The following LINGO2 variants were observed in gnomAD, a reference collection of about 807,000 sequenced individuals.
LINGO2 encodes the protein leucine rich repeat and Ig domain containing 2.
Under a neutral mutation model 30.6 loss-of-function variants are expected in LINGO2, and 14 were observed. The ratio of observed to expected loss-of-function variants is 0.46; its 90% CI spans 0.30 to 0.72. The LOEUF (loss-of-function observed/expected upper bound fraction) is 0.72. Among genes scored for constraint, LINGO2 ranks in the 30% least tolerant of loss-of-function variants. The pLI is 0.07. For missense variants in LINGO2, 729 were observed against 751.7 expected (o/e 0.97, Z 0.35); for synonymous variants, 317 against 288.5 (o/e 1.10, Z -1.00).
At chr9:28,804,061 TTA>T in the LINGO2 span, among the ~76,000 whole-genome samples, 1 of 152,056 alleles carries the variant, frequency 6.6e-6, no homozygotes, top group Admixed American at 6.6e-5. Context: ...AGGAATATAA[TTA>T]TAGTTTAGAG....
chr9:27,992,778 TTGG>T (rs1233349924), intron 5 of LINGO2, among the ~76,000 whole-genome samples: 1 of 148,010 alleles, frequency 6.8e-6, no homozygotes, highest in Non-Finnish European at 1.5e-5. Flanking sequence ...AAATGAAAGT[TTGG>T]TGAGGGAACA....
chr9:28,927,609 G>T, the LINGO2 span, among the ~76,000 whole-genome samples: 1 of 152,256 alleles, frequency 6.6e-6, no homozygotes, highest in South Asian at 2.1e-4. Context: ...AGGATTATAT[G>T]AGATAATGTA....
the LINGO2 span, among the ~76,000 whole-genome samples, chr9:28,883,639 T>TATATATATAC: frequency 3.6e-5 from 4 of 110,904 alleles, no homozygotes; most frequent in African/African-American, 1.2e-4. Flanking sequence ...TATATATATA[T>TATATATATAC]ATATATATAT....
chr9:29,033,003 TGAA>T, the LINGO2 span, among the ~76,000 whole-genome samples: 1 of 152,284 alleles, frequency 6.6e-6, no homozygotes, highest in African/African-American at 2.4e-5. Context: ...GCCATATAGA[TGAA>T]GAGAAAACTT....
At chr9:29,022,990 A>AG in the LINGO2 span, among the ~76,000 whole-genome samples, 5 of 151,862 alleles carry the variant, frequency 3.3e-5, no homozygotes, top group South Asian at 6.2e-4. Flanking sequence ...AAAAAAAAAA[A>AG]AGAGAGAAAT....
chr9:28,405,751 G>A (rs967824422), intron 2 of LINGO2, among the ~76,000 whole-genome samples: 9 of 152,098 alleles, frequency 5.9e-5, no homozygotes, highest in African/African-American at 2.2e-4. Context: ...CCAGACATTG[G>A]TGTCAGGGCA....
At chr9:28,647,011 C>A (rs1827871704) in intron 1 of LINGO2, among the ~76,000 whole-genome samples, 1 of 152,008 alleles carries the variant, frequency 6.6e-6, no homozygotes, top group Non-Finnish European at 1.5e-5. Context: ...AAAGGCTGTG[C>A]CTAGATTATC....
At chr9:28,954,419 TA>T in the LINGO2 span, among the ~76,000 whole-genome samples, 1 of 152,134 alleles carries the variant, frequency 6.6e-6, no homozygotes, top group African/African-American at 2.4e-5. Context: ...GAACAAGTTA[TA>T]AAAAATAATG....
chr9:28,586,000 G>C (rs1459067859), intron 1 of LINGO2, among the ~76,000 whole-genome samples: 2 of 150,406 alleles, frequency 1.3e-5, no homozygotes, highest in African/African-American at 4.9e-5. Flanking sequence ...CCTGGCTTCT[G>C]TGTGGGCTTT....
Position 28,274,318 on chromosome 9 carries a change from C to A in LINGO2, c.-87+20890G>T, listed in dbSNP as rs143757233. Among the ~76,000 whole-genome samples the A allele has an allele frequency of 1.9e-3, 287 of 152,076 alleles. 1 individual carries two copies. The highest frequency in any genetic ancestry group is 6.4e-3 in the African/African-American group (265 of 41,504). ...CTGATAGTAATTTTAAAAAAGTAACCCAGGTCCACTTATGAGCACATATTT... is the reference window on the plus strand; with the variant it reads ...CTGATAGTAATTTTAAAAAAGTAACACAGGTCCACTTATGAGCACATATTT... On this transcript the variant is annotated intron_variant, in intron 4 of 5. Transcript: ENST00000379992.
chr9:28,134,680 G>C (rs1000015851), intron 4 of LINGO2, among the ~76,000 whole-genome samples: 47 of 152,190 alleles, frequency 3.1e-4, no homozygotes, highest in African/African-American at 1.1e-3. Context: ...GCTGAGTTCT[G>C]AGAATGCTGC....
the LINGO2 span, among the ~76,000 whole-genome samples, chr9:28,767,612 C>G: frequency 1.3e-5 from 2 of 151,646 alleles, no homozygotes; most frequent in African/African-American, 4.8e-5. Flanking sequence ...AGTGAAACCC[C>G]GTCTCTACTA....
the LINGO2 span, among the ~76,000 whole-genome samples, chr9:28,953,416 T>G: frequency 3.9e-5 from 6 of 152,052 alleles, no homozygotes; most frequent in Non-Finnish European, 8.8e-5. Context: ...AGAAAAACTT[T>G]TAACAATCGT....
chr9:28,389,909 AAATAAAGTCTT>A (rs1310950907), intron 2 of LINGO2, among the ~76,000 whole-genome samples: 1 of 152,176 alleles, frequency 6.6e-6, no homozygotes, highest in African/African-American at 2.4e-5. Context: ...ATATGAGGAG[AAATAAAGTCTT>A]AATCTGGCCC....
chr9:29,020,253 G>A, the LINGO2 span, among the ~76,000 whole-genome samples: 9 of 152,170 alleles, frequency 5.9e-5, no homozygotes, highest in African/African-American at 1.4e-4. Context: ...AAGAACTAAC[G>A]GACTAATGGA....
the LINGO2 span, among the ~76,000 whole-genome samples, chr9:29,173,272 C>T: frequency 4.9e-4 from 75 of 152,178 alleles, no homozygotes; most frequent in African/African-American, 9.6e-4. Flanking sequence ...GAAAGTATCA[C>T]CTCTAATGCT....
At chr9:28,571,127 G>C (rs1471061362) in intron 1 of LINGO2, among the ~76,000 whole-genome samples, 3 of 151,986 alleles carry the variant, frequency 2.0e-5, no homozygotes, top group Admixed American at 6.6e-5. Flanking sequence ...TTAGAAGAAA[G>C]AAGCTGAATA....
At chr9:28,613,430 T>C (rs1826001945) in intron 1 of LINGO2, among the ~76,000 whole-genome samples, 1 of 151,942 alleles carries the variant, frequency 6.6e-6, no homozygotes, top group Non-Finnish European at 1.5e-5. Flanking sequence ...ATACTACATA[T>C]ATATATTTGC....
intron 4 of LINGO2, among the ~76,000 whole-genome samples, chr9:28,119,518 G>A (rs1057094655): frequency 4.6e-5 from 7 of 152,158 alleles, no homozygotes; most frequent in African/African-American, 1.7e-4. Flanking sequence ...AATTCAGGGG[G>A]ATGTGCTGAT....
Sources: allele counts gnomAD v4.1 joint callset (sites outside exome capture counted in the v4.1 genomes callset), GRCh38; gene constraint gnomAD v4.1.1; transcripts MANE v1.5; gene names NCBI Gene and HGNC (gene_info 2026-07-23, HGNC 2026-07-21).